The following CIT variants were observed in gnomAD, a reference collection of about 807,000 sequenced individuals.
The protein encoded by CIT is citron rho-interacting serine/threonine kinase.
A neutral mutation model predicts 272.7 loss-of-function variants in CIT; 79 were observed. The ratio of observed to expected loss-of-function variants is 0.29; its 90% CI spans 0.24 to 0.35. The LOEUF (loss-of-function observed/expected upper bound fraction) is 0.35, where lower values mean the gene tolerates loss of function less well. Among genes scored for constraint, CIT ranks in the 10% least tolerant of loss-of-function variants. The probability of loss-of-function intolerance (pLI) is 1.00; values close to 1 mark genes in which losing one functional copy is unlikely to be tolerated. For synonymous variants in CIT, 948 were observed against 995.6 expected, an observed-to-expected ratio of 0.95 and a Z score of 0.90; for missense variants, 1,909 against 2,618.3, an observed-to-expected ratio of 0.73 and a Z score of 5.91.
intron 26 of CIT, among the ~76,000 whole-genome samples, chr12:119,731,639 T>G (rs1452903673): frequency 6.6e-6 from 1 of 151,550 alleles, no homozygotes; most frequent in South Asian, 2.1e-4. Flanking sequence ...CTTTGGCTTA[T>G]ACAATCTCCT....
At chr12:119,775,102 G>A (rs939162948) in intron 16 of CIT, among the ~76,000 whole-genome samples, 2 of 151,972 alleles carry the variant, frequency 1.3e-5, no homozygotes, top group Admixed American at 6.6e-5. Context: ...GTGAAACCCC[G>A]TGTCTATTAA....
intron 7 of CIT, among the ~76,000 whole-genome samples, chr12:119,825,914 A>G (rs959023818): frequency 7.2e-5 from 11 of 152,158 alleles, no homozygotes; most frequent in African/African-American, 2.7e-4. Flanking sequence ...TTAAAAATAC[A>G]AAAATTAGTC....
intron 3 of CIT, among the ~76,000 whole-genome samples, chr12:119,866,064 T>C (rs1413162519): frequency 6.6e-6 from 1 of 151,994 alleles, no homozygotes; most frequent in African/African-American, 2.4e-5. Flanking sequence ...CCTGACCCCT[T>C]TGGGCATTCC....
Position 119,712,110 on chromosome 12 carries a change from C to T in CIT, c.4854+68G>A, listed in dbSNP as rs143743102. On this transcript the variant is annotated intron_variant, in intron 37 of 47. Coordinates refer to ENST00000392521, the MANE Select transcript of CIT (RefSeq NM_001206999.2). This position sits in a 1 kb window ranked among gnomAD's most constrained non-coding sequence, Gnocchi z 5.2. ...TCAAAATGGCCAATGGGATTCTCGT[C>T]GTTAACACCAGTTACCAAGTCAGCC... The T allele has an allele frequency of 4.0e-3, 5,797 of 1,456,302 alleles. 161 individuals are homozygous for T. In the South Asian group the frequency reaches 0.055, roughly 14 times the overall value. 90.2% of individuals were successfully genotyped at this position (1,456,302 alleles called of 1,614,324 possible).
At chr12:119,754,338 G>A (rs1960660730) in intron 22 of CIT, among the ~76,000 whole-genome samples, 1 of 152,164 alleles carries the variant, frequency 6.6e-6, no homozygotes, top group Non-Finnish European at 1.5e-5. Flanking sequence ...ATCCCTACGT[G>A]TCCTGACCAT....
At chr12:119,776,475 T>C in intron 14 of CIT, 67 bp from the exon 15 acceptor site, 1 of 1,364,692 alleles carries the variant, frequency 7.3e-7, no homozygotes, top group Non-Finnish European at 1.0e-6. Flanking sequence ...TAGACTACTT[T>C]CTTGGTCTCT....
At position 119,690,342 on chromosome 12, in the gene CIT, G is replaced by C. The variant is rs1383728798; in HGVS notation, c.5995C>G (p.His1999Asp). The change falls in exon 47 of 48, where the codon CAC becomes GAC. Residue 1999 changes from histidine to aspartate, a missense_variant. Around this residue, in one of 8 missense-constraint regions of CIT, gnomAD observed 780 missense variants for 1,067.2 expected, o/e 0.73. Transcript: ENST00000392521. This position sits in a 1 kb window ranked among gnomAD's most constrained non-coding sequence, Gnocchi z 6.0. ...PSHPREPSTP[H>D]RYREGRTELR... ...TCGGTCCGCCCCTCGCGGTAGCGGT[G>C]GGGTGTGCTTGGCTCTCGCGGGTGG... 1 of 1,597,896 alleles carries C rather than the reference G, an allele frequency of 6.3e-7. No homozygotes were observed. Among genetic ancestry groups the C allele is most frequent in the Non-Finnish European group, 8.5e-7 (1 of 1,178,536 alleles).
At position 119,784,867 on chromosome 12, in the gene CIT, T is replaced by C; in HGVS notation, c.1401+93A>G. 1 of 1,528,456 alleles carries C rather than the reference T, an allele frequency of 6.5e-7. No homozygotes were observed. Among genetic ancestry groups the C allele is most frequent in the African/African-American group, 1.4e-5 (1 of 73,010 alleles). 94.7% of individuals were successfully genotyped at this position (1,528,456 alleles called of 1,614,324 possible). On this transcript the variant is annotated intron_variant, in intron 11 of 47. Coordinates refer to ENST00000392521, the MANE Select transcript of CIT (RefSeq NM_001206999.2). This position sits in a 1 kb window ranked among gnomAD's most constrained non-coding sequence, Gnocchi z 4.7. ...CCTCACTCTCTACGGATCAGGCGGC[T>C]CAGAGCCAGCAGCGGCCCCGGGCGG... is the stretch of plus-strand genomic sequence containing the variant.
At chr12:119,831,490 C>A (rs912245763) in intron 7 of CIT, among the ~76,000 whole-genome samples, 6 of 152,054 alleles carry the variant, frequency 3.9e-5, no homozygotes, top group Non-Finnish European at 7.4e-5. Context: ...ACAGACAGGC[C>A]AGATGCTAGA....
rs534560290 is a variant in CIT at position 119,713,799 on chromosome 12, T to G, written c.4307-151A>C. The G allele has an allele frequency of 1.4e-5, 11 of 772,536 alleles. No homozygotes were observed. The East Asian group carries it at 2.6e-4, about 19-fold the overall frequency. The allele number at this position is 772,536 out of a possible 1,614,324, so 47.9% of individuals were successfully genotyped here. A position where few individuals can be genotyped will look rare whatever the true frequency, so the allele number is the denominator to read the frequency against. On this transcript the variant is annotated intron_variant, in intron 33 of 47. Coordinates refer to ENST00000392521, the MANE Select transcript of CIT (RefSeq NM_001206999.2). The surrounding 1 kb of genome is among the most constrained non-coding windows in gnomAD (Gnocchi z 5.2). ...AGGTAGTCTCCTGAGCTTCCCCTGG[T>G]GCCAGGCCCCTGCAGAAAGGGAAAA...
At chr12:119,845,943 AACACACACACACACACACACAC>A (rs58381184) in intron 5 of CIT, among the ~76,000 whole-genome samples, 2 of 137,054 alleles carry the variant, frequency 1.5e-5, no homozygotes, top group East Asian at 2.2e-4. Context: ...TCCATCTCAA[AACACACACACACACACACACAC>A]ACACACACAC....
intron 5 of CIT, among the ~76,000 whole-genome samples, chr12:119,837,455 C>T (rs1969090995): frequency 6.6e-6 from 1 of 152,206 alleles, no homozygotes. Flanking sequence ...CCAAAAGCAT[C>T]ATCTAAAGTA....
chr12:119,775,553 T>C (rs901589690), intron 16 of CIT, among the ~76,000 whole-genome samples: 1 of 152,222 alleles, frequency 6.6e-6, no homozygotes, highest in African/African-American at 2.4e-5. Context: ...AACTTTTACT[T>C]GAGAGTCTCA....
At chr12:119,758,726 T>C (rs770865867) in intron 20 of CIT, 26 bp from the exon 21 acceptor site, 2 of 1,449,890 alleles carry the variant, frequency 1.4e-6, no homozygotes, top group South Asian at 2.3e-5. Context: ...CCTATGAAAC[T>C]TCACACACCA....
At position 119,803,362 on chromosome 12, in the gene CIT, T is replaced by C. The variant is rs748701924; in HGVS notation, c.1139A>G (p.Lys380Arg). 3 of 1,587,280 alleles carry C rather than the reference T, an allele frequency of 1.9e-6. No homozygotes were observed. The highest frequency in any genetic ancestry group is 2.3e-5 in the South Asian group (2 of 87,528). ...AAAATTGGAGGTGTCATCGTCAGAC[T>C]TGAGGGTGGGAACGAAGGGGGGAGG... Reference protein sequence around the residue: ...NSPPPFVPTLKSDDDTSNFDE... With the variant: ...NSPPPFVPTLRSDDDTSNFDE... The change falls in exon 10 of 48, where the codon AAG becomes AGG. Residue 380 changes from lysine (K) to arginine (R), a missense_variant. Coordinates refer to ENST00000392521, the MANE Select transcript of CIT (RefSeq NM_001206999.2).
intron 37 of CIT, among the ~76,000 whole-genome samples, chr12:119,711,816 A>ACTTT (rs1957174916): frequency 6.6e-6 from 1 of 150,574 alleles, no homozygotes; most frequent in African/African-American, 2.5e-5. Context: ...CACCTGGCTA[A>ACTTT]CTTTCTTTCT....
chr12:119,783,172 T>A (rs1312495982), intron 12 of CIT: 2 of 152,306 alleles, frequency 1.3e-5, no homozygotes, highest in East Asian at 3.8e-4. Context: ...GAAATCTATA[T>A]CTGAAATACA....
At chr12:119,754,034 T>A (rs944619239) in intron 22 of CIT, among the ~76,000 whole-genome samples, 14 of 152,190 alleles carry the variant, frequency 9.2e-5, no homozygotes, top group African/African-American at 2.9e-4. Flanking sequence ...GCTGAAGCCA[T>A]GGCTATTATC....
chr12:119,819,829 G>T (rs973148908), intron 9 of CIT, among the ~76,000 whole-genome samples: 2 of 152,226 alleles, frequency 1.3e-5, no homozygotes, highest in African/African-American at 4.8e-5. Flanking sequence ...ATAGCTTAAA[G>T]AGCATGGAGT....
Sources: allele counts gnomAD v4.1 joint callset (sites outside exome capture counted in the v4.1 genomes callset), GRCh38; gene constraint gnomAD v4.1.1; regional missense constraint gnomAD v4.1.1; non-coding constraint Gnocchi (gnomAD v3.1); transcripts MANE v1.5; gene names NCBI Gene and HGNC (gene_info 2026-07-23, HGNC 2026-07-21).